The following SLC8A3 variants were observed in gnomAD, a reference collection of about 807,000 sequenced individuals.
The protein encoded by SLC8A3 is sodium/calcium exchanger 3.
In SLC8A3, 37 loss-of-function variants were observed where a neutral mutation model predicts 65.4. That is an observed-to-expected ratio of 0.57 (90% CI 0.44 to 0.74). The LOEUF is 0.74. SLC8A3 is among the 30% of genes least tolerant of loss of function. SLC8A3 has a pLI of 0.00. For synonymous variants in SLC8A3, 461 were observed against 444.5 expected (o/e 1.04, Z -0.47); for missense variants, 1,112 against 1,172.1 (o/e 0.95, Z 0.75).
intron 2 of SLC8A3, among the ~76,000 whole-genome samples, chr14:70,082,225 A>G (rs910707034): frequency 8.6e-5 from 13 of 152,046 alleles, no homozygotes; most frequent in African/African-American, 2.9e-4. Flanking sequence ...AGTCCAATTA[A>G]ATATCCTTGA....
chr14:70,147,444 C>T (rs1218346807), intron 2 of SLC8A3, among the ~76,000 whole-genome samples: 1 of 152,176 alleles, frequency 6.6e-6, no homozygotes, highest in Non-Finnish European at 1.5e-5. Flanking sequence ...ATATAATCCC[C>T]TCCCTCAAGT....
chr14:70,054,745 T>C (rs747665063), intron 3 of SLC8A3, among the ~76,000 whole-genome samples: 1 of 152,088 alleles, frequency 6.6e-6, no homozygotes, highest in Non-Finnish European at 1.5e-5. Context: ...ATGTAGGAGT[T>C]ACCTACATTT....
intron 2 of SLC8A3, among the ~76,000 whole-genome samples, chr14:70,166,347 T>A (rs967439711): frequency 2.0e-5 from 3 of 152,220 alleles, no homozygotes; most frequent in Non-Finnish European, 4.4e-5. Context: ...ACTTCTGTCA[T>A]CCCACAGCTC....
At chr14:70,143,095 G>A (rs1356023423) in intron 2 of SLC8A3, among the ~76,000 whole-genome samples, 4 of 152,152 alleles carry the variant, frequency 2.6e-5, no homozygotes, top group Admixed American at 6.5e-5. Context: ...TTAAATGAGC[G>A]CTGTTGGAGA....
chr14:70,083,796 G>C (rs796908504), intron 2 of SLC8A3, among the ~76,000 whole-genome samples: 1 of 152,202 alleles, frequency 6.6e-6, no homozygotes, highest in Non-Finnish European at 1.5e-5. Context: ...TTAGGCTCAT[G>C]TCTTCAGAAA....
At chr14:70,179,835 G>A (rs1027275363) in intron 1 of SLC8A3, among the ~76,000 whole-genome samples, 1 of 152,172 alleles carries the variant, frequency 6.6e-6, no homozygotes, top group African/African-American at 2.4e-5. Flanking sequence ...TCCTTCTTAT[G>A]AGGATGATCA....
chr14:70,057,258 C>T lies in SLC8A3; in HGVS notation c.1888+3578G>A, dbSNP rs183842957. Among the ~76,000 whole-genome samples the T allele has an allele frequency of 2.6e-3, 392 of 151,954 alleles. 6 individuals carry two copies. Among genetic ancestry groups the T allele is most frequent in the Non-Finnish European group, 2.1e-3 (143 of 67,996 alleles). ...GTTAATGGATCAATGGCTTTCCTCA[C>T]TACATTGAGATAGATAGATATAGAT... On this transcript the variant is annotated intron_variant, in intron 3 of 6. Coordinates refer to ENST00000356921, the MANE Select transcript of SLC8A3 (RefSeq NM_182932.3).
In SLC8A3 at chr14:70,048,802, G is replaced by A; in HGVS notation, c.2354C>T (p.Ala785Val). 1 of 1,614,090 alleles carries A rather than the reference G, an allele frequency of 6.2e-7. No homozygotes were observed. The highest frequency in any genetic ancestry group is 8.5e-7 in the Non-Finnish European group (1 of 1,180,002). The change falls in exon 6 of 7, where the codon GCT becomes GTT. Residue 785 changes from alanine to valine, a missense_variant. Coordinates refer to ENST00000356921, the MANE Select transcript of SLC8A3 (RefSeq NM_182932.3). ...GGTGCCAAATGCCACGAAAACAACA[G>A]CTGTGACTGAATCTTTGAGACCAAT... ...CTIGLKDSVTAVVFVAFGTSV... is the reference protein window; with the variant it reads ...CTIGLKDSVTVVVFVAFGTSV...
chr14:70,137,786 C>CTTTTTTT lies in SLC8A3; in HGVS notation c.1784+28846_1784+28852dup, dbSNP rs36057761. Among the ~76,000 whole-genome samples the CTTTTTTT allele has an allele frequency of 9.6e-4, 127 of 132,204 alleles. 4 individuals are homozygous for CTTTTTTT. The East Asian group carries it at 0.011, about 12-fold the overall frequency. The allele number at this position is 132,204 out of a possible 152,430, so 86.7% of individuals were successfully genotyped here. A position where few individuals can be genotyped will look rare whatever the true frequency, so the allele number is the denominator to read the frequency against. On this transcript the variant is annotated intron_variant, in intron 2 of 6. Transcript: ENST00000356921. ...TCTCTGATTTGAGAGCTGGTGGTGC[C>CTTTTTTT]TTTTTTTTTTTTTTTTTCTAATTTG...
chr14:70,150,323 CCAA>C (rs1242490204), intron 2 of SLC8A3, among the ~76,000 whole-genome samples: 1 of 152,166 alleles, frequency 6.6e-6, no homozygotes, highest in Non-Finnish European at 1.5e-5. Flanking sequence ...GTTCAGGTCA[CCAA>C]CAAGTAGCTG....
Position 70,046,148 on chromosome 14 carries a change from C to T in SLC8A3, c.2565G>A (p.Leu855=). 6.2e-7 allele frequency: 1 copy of T among 1,614,192 alleles called. No homozygotes were observed. The highest frequency in any genetic ancestry group is 8.5e-7 in the Non-Finnish European group (1 of 1,180,026). ...TGGTGAAGAGGGTGACGGAGAAGGC[C>T]AGTGTGCCGGCCGACACGTGGAACT... is the stretch of plus-strand genomic sequence containing the variant. ...GQEFHVSAGT[L]AFSVTLFTIF... The change falls in exon 7 of 7, where the codon CTG becomes CTA. Residue 855 remains leucine, a synonymous_variant. Coordinates refer to ENST00000356921, the MANE Select transcript of SLC8A3 (RefSeq NM_182932.3). This position sits in a 1 kb window ranked among gnomAD's most constrained non-coding sequence, Gnocchi z 4.2.
intron 1 of SLC8A3, among the ~76,000 whole-genome samples, chr14:70,180,881 C>A (rs367558120): frequency 6.6e-6 from 1 of 152,192 alleles, no homozygotes; most frequent in South Asian, 2.1e-4. Flanking sequence ...CAGTTTAGGG[C>A]ACCTTACTGG....
chr14:70,053,167 T>TA (rs1437601668), intron 3 of SLC8A3, among the ~76,000 whole-genome samples: 2 of 152,352 alleles, frequency 1.3e-5, no homozygotes, highest in South Asian at 2.1e-4. Context: ...AAGGCAATCC[T>TA]AAAATGTCTG....
chr14:70,122,752 G>A (rs1054202467), intron 2 of SLC8A3, among the ~76,000 whole-genome samples: 8 of 152,136 alleles, frequency 5.3e-5, no homozygotes, highest in African/African-American at 1.9e-4. Flanking sequence ...AAGAACCTGT[G>A]ATTTCTGCTC....
At chr14:70,063,990 A>C in intron 2 of SLC8A3, 2 of 878,262 alleles carry the variant, frequency 2.3e-6, no homozygotes, top group East Asian at 4.9e-5. Context: ...GTCAGCCAGC[A>C]GACAAAAACG....
rs558088958 is a variant in SLC8A3 at position 70,153,461 on chromosome 14, G to A, written c.1784+13178C>T. 2.6e-5 allele frequency among the ~76,000 whole-genome samples: 4 copies of A among 152,240 alleles called. No homozygotes were observed. The South Asian group carries it at 8.3e-4, about 32-fold the overall frequency. On this transcript the variant is annotated intron_variant, in intron 2 of 6. Transcript: ENST00000356921. ...TGAATTGACTGGAGGAGGGGGTTGT[G>A]CAAGTCACTTCTAATGACGCCAAAC...
At chr14:70,099,188 G>C (rs1040742220) in intron 2 of SLC8A3, among the ~76,000 whole-genome samples, 13 of 152,118 alleles carry the variant, frequency 8.5e-5, no homozygotes, top group Non-Finnish European at 1.6e-4. Context: ...TGGTTAAAAA[G>C]CGGGGTCAGC....
At position 70,169,693 on chromosome 14, in the gene SLC8A3, G is replaced by T. The variant is rs563535872; in HGVS notation, c.-62-1209C>A. Among the ~76,000 whole-genome samples, 116 of 31,466 alleles carry T rather than the reference G, an allele frequency of 3.7e-3. 2 individuals carry two copies. The highest frequency in any genetic ancestry group is 6.2e-3 in the African/African-American group (65 of 10,428). 20.6% of individuals were successfully genotyped at this position (31,466 alleles called of 152,430 possible). A position where few individuals can be genotyped will look rare whatever the true frequency, so the allele number is the denominator to read the frequency against. Reference sequence around the variant, plus strand: ...GAATAGCTAAAAAAAAAAAAAAGTGGGGGGGGGGGCGATCTTTCTCCCTCT... The same window carrying T: ...GAATAGCTAAAAAAAAAAAAAAGTGTGGGGGGGGGCGATCTTTCTCCCTCT... On this transcript the variant is annotated intron_variant, in intron 1 of 6. Transcript: ENST00000356921.
At chr14:70,122,704 C>A (rs1242937928) in intron 2 of SLC8A3, among the ~76,000 whole-genome samples, 1 of 152,054 alleles carries the variant, frequency 6.6e-6, no homozygotes, top group African/African-American at 2.4e-5. Context: ...AACAAAAAAA[C>A]GTTCAGAGTA....
Sources: allele counts gnomAD v4.1 joint callset (sites outside exome capture counted in the v4.1 genomes callset), GRCh38; gene constraint gnomAD v4.1.1; non-coding constraint Gnocchi (gnomAD v3.1); transcripts MANE v1.5; gene names NCBI Gene and HGNC (gene_info 2026-07-23, HGNC 2026-07-21).